Variants in VAV2 observed in about 807,000 individuals in gnomAD.
VAV2 encodes vav guanine nucleotide exchange factor 2.
VAV2 carries 67 observed loss-of-function variants against 132.5 expected under a neutral mutation model. The ratio of observed to expected loss-of-function variants is 0.51; its 90% CI spans 0.42 to 0.62. VAV2 has a LOEUF of 0.62. VAV2 is among the 20% of genes least tolerant of loss of function. The pLI is 0.00. For missense variants in VAV2, 938 were observed against 1,153.6 expected, an observed-to-expected ratio of 0.81 and a Z score of 2.71; for synonymous variants, 492 against 443.5, an observed-to-expected ratio of 1.11 and a Z score of -1.37.
intron 2 of VAV2, 133 bp downstream of exon 2, chr9:133,938,970 T>C (rs999965389): frequency 1.2e-6 from 1 of 820,576 alleles, no homozygotes; most frequent in African/African-American, 1.7e-5. Flanking sequence ...CTCCCGGACA[T>C]GAGGGTGCAG....
Position 133,782,598 on chromosome 9 carries a change from GTCTCTGGGTGACAA to G in VAV2, c.1723+891_1723+904del, listed in dbSNP as rs202089467. Among the ~76,000 whole-genome samples, 53 of 152,318 alleles carry G rather than the reference GTCTCTGGGTGACAA, an allele frequency of 3.5e-4. 1 individual carries two copies. In the East Asian group the frequency reaches 8.9e-3, roughly 25 times the overall value. On this transcript the variant is annotated intron_variant, in intron 19 of 29. Coordinates refer to ENST00000371850, the MANE Select transcript of VAV2 (RefSeq NM_001134398.2). ...CTCAAAATGTATTCTGGGCAATGGC[GTCTCTGGGTGACAA>G]TCTCTGGGTGACAAGCTGGCCTGAC...
intron 2 of VAV2, among the ~76,000 whole-genome samples, chr9:133,922,876 T>C (rs1840345384): frequency 6.6e-6 from 1 of 152,174 alleles, no homozygotes; most frequent in African/African-American, 2.4e-5. Context: ...CTAAAACTTC[T>C]GCCCAGCAAA....
intron 3 of VAV2, among the ~76,000 whole-genome samples, chr9:133,849,256 G>T (rs1564403467): frequency 6.6e-6 from 1 of 152,184 alleles, no homozygotes; most frequent in African/African-American, 2.4e-5. Flanking sequence ...GGAGGCCACT[G>T]ACCCCGAAGG....
At chr9:133,987,567 T>C (rs1588232364) in intron 1 of VAV2, among the ~76,000 whole-genome samples, 2 of 151,666 alleles carry the variant, frequency 1.3e-5, no homozygotes, top group African/African-American at 4.8e-5. Flanking sequence ...GAGGTGGAGG[T>C]GGGGGACAGA....
intron 12 of VAV2, among the ~76,000 whole-genome samples, chr9:133,793,057 C>A (rs1834560024): frequency 6.6e-6 from 1 of 152,114 alleles, no homozygotes; most frequent in South Asian, 2.1e-4. Flanking sequence ...CTCTAAGCCA[C>A]AGCCTCCCCT....
At chr9:133,861,183 G>C in intron 3 of VAV2, 191 bp downstream of exon 3, 1 of 542,660 alleles carries the variant, frequency 1.8e-6, no homozygotes, top group South Asian at 3.0e-5. Context: ...TCCCCGGTGT[G>C]AGCTGAAGCC....
At chr9:133,917,115 C>T (rs984132055) in intron 2 of VAV2, among the ~76,000 whole-genome samples, 1 of 152,168 alleles carries the variant, frequency 6.6e-6, no homozygotes, top group African/African-American at 2.4e-5. Flanking sequence ...CCAGCAGGCC[C>T]CAGACCTGCT....
At chr9:133,967,283 G>A (rs1564510712) in intron 1 of VAV2, among the ~76,000 whole-genome samples, 1 of 152,138 alleles carries the variant, frequency 6.6e-6, no homozygotes, top group African/African-American at 2.4e-5. Context: ...TGTGGAGAAA[G>A]GGGAACACTA....
chr9:133,832,600 C>T (rs750885022), intron 4 of VAV2, among the ~76,000 whole-genome samples: 16 of 152,134 alleles, frequency 1.1e-4, no homozygotes, highest in Non-Finnish European at 1.8e-4. Context: ...CTCTTGTCGC[C>T]CAGGCTGGAG....
At chr9:133,809,546 G>A (rs1835283232) in intron 6 of VAV2, among the ~76,000 whole-genome samples, 1 of 152,172 alleles carries the variant, frequency 6.6e-6, no homozygotes, top group African/African-American at 2.4e-5. Flanking sequence ...TCCTCTCTAC[G>A]TGGCAGACTG....
At chr9:133,957,038 G>C (rs1841805660) in intron 1 of VAV2, among the ~76,000 whole-genome samples, 1 of 152,124 alleles carries the variant, frequency 6.6e-6, no homozygotes, top group South Asian at 2.1e-4. Context: ...CCACCTGCCC[G>C]GGGTACCCAG....
intron 4 of VAV2, among the ~76,000 whole-genome samples, chr9:133,828,679 G>A (rs1010089563): frequency 1.3e-5 from 2 of 152,234 alleles, no homozygotes; most frequent in African/African-American, 4.8e-5. Flanking sequence ...TGAGGGAGAG[G>A]TGATCCTCCC....
chr9:133,874,246 A>G (rs1838174025), intron 2 of VAV2, among the ~76,000 whole-genome samples: 1 of 152,230 alleles, frequency 6.6e-6, no homozygotes, highest in Non-Finnish European at 1.5e-5. Flanking sequence ...TCCCAGCAAG[A>G]CTGGCTGGGC....
At chr9:133,836,682 C>T (rs1289933083) in intron 3 of VAV2, among the ~76,000 whole-genome samples, 1 of 152,142 alleles carries the variant, frequency 6.6e-6, no homozygotes, top group African/African-American at 2.4e-5. Flanking sequence ...AGAGTGTGGG[C>T]GACAGTTTAG....
chr9:133,819,967 T>C (rs1835720608), intron 4 of VAV2, among the ~76,000 whole-genome samples: 1 of 152,346 alleles, frequency 6.6e-6, no homozygotes, highest in Middle Eastern at 3.4e-3. Context: ...ATAAACTTAG[T>C]AATTAAGATA....
rs1564507768 is a variant in VAV2, at chr9:133,964,058, TACATATATATAA to T, written c.205-24851_205-24840del. ...ATATATATATATATATACATATATA[TACATATATATAA>T]ATGAATAGGCCAGGTATGTTGGCTC... On this transcript the variant is annotated intron_variant, in intron 1 of 29. Coordinates refer to ENST00000371850, the MANE Select transcript of VAV2 (RefSeq NM_001134398.2). Among the ~76,000 whole-genome samples, 163 of 133,524 alleles carry T rather than the reference TACATATATATAA, an allele frequency of 1.2e-3. 9 individuals carry two copies. The highest frequency in any genetic ancestry group is 1.4e-3 in the Non-Finnish European group (92 of 64,324). The allele number at this position is 133,524 out of a possible 152,430, so 87.6% of individuals were successfully genotyped here. A position where few individuals can be genotyped will look rare whatever the true frequency, so the allele number is the denominator to read the frequency against.
intron 25 of VAV2, among the ~76,000 whole-genome samples, chr9:133,774,012 T>C (rs917307525): frequency 1.3e-5 from 2 of 152,142 alleles, no homozygotes; most frequent in African/African-American, 2.4e-5. Flanking sequence ...CCACCACATA[T>C]GGGGTCCCTC....
intron 2 of VAV2, among the ~76,000 whole-genome samples, chr9:133,873,490 C>A (rs1838141459): frequency 6.6e-6 from 1 of 152,228 alleles, no homozygotes; most frequent in South Asian, 2.1e-4. Context: ...CTGCACAGTG[C>A]TCCGGGCAGA....
chr9:133,821,300 C>A (rs1004640333), intron 4 of VAV2, among the ~76,000 whole-genome samples: 1 of 152,240 alleles, frequency 6.6e-6, no homozygotes, highest in Non-Finnish European at 1.5e-5. Context: ...ACAGGCGGGC[C>A]GCAGTGGGTC....
Sources: allele counts gnomAD v4.1 joint callset (sites outside exome capture counted in the v4.1 genomes callset), GRCh38; gene constraint gnomAD v4.1.1; transcripts MANE v1.5; gene names NCBI Gene and HGNC (gene_info 2026-07-23, HGNC 2026-07-21).